The following DNM3 variants were observed in gnomAD, a reference collection of about 807,000 sequenced individuals.
DNM3 encodes the protein dynamin-3.
Under a neutral mutation model 101.6 loss-of-function variants are expected in DNM3, and 47 were observed. The ratio of observed to expected loss-of-function variants is 0.46; its 90% CI spans 0.37 to 0.59. DNM3 has a LOEUF of 0.59. Among genes scored for constraint, DNM3 ranks in the 20% least tolerant of loss-of-function variants. The pLI is 0.00. For missense variants in DNM3, 849 were observed against 1,085.7 expected (o/e 0.78, Z 3.06); for synonymous variants, 385 against 387.9 (o/e 0.99, Z 0.09).
intron 1 of DNM3, among the ~76,000 whole-genome samples, chr1:171,911,992 A>G (rs1042049588): frequency 3.3e-5 from 5 of 152,124 alleles, no homozygotes; most frequent in African/African-American, 1.2e-4. Context: ...CCTAGGCCAA[A>G]TGAGGATTTC....
intron 15 of DNM3, among the ~76,000 whole-genome samples, chr1:172,293,214 A>C (rs2064001554): frequency 6.6e-6 from 1 of 152,244 alleles, no homozygotes; most frequent in South Asian, 2.1e-4. Context: ...TTCACTATTT[A>C]GGCTCAGATG....
chr1:172,301,851 C>A (rs1415360197), intron 15 of DNM3, among the ~76,000 whole-genome samples: 1 of 151,986 alleles, frequency 6.6e-6, no homozygotes, highest in Non-Finnish European at 1.5e-5. Flanking sequence ...AGAAATAGAA[C>A]CTCAACTATC....
intron 4 of DNM3, among the ~76,000 whole-genome samples, chr1:172,028,992 T>TG (rs2048407630): frequency 6.6e-6 from 1 of 152,188 alleles, no homozygotes; most frequent in South Asian, 2.1e-4. Flanking sequence ...AAAGAGGAGC[T>TG]GGTAGCATTC....
At chr1:172,024,562 C>T (rs570792671) in intron 4 of DNM3, among the ~76,000 whole-genome samples, 32 of 152,294 alleles carry the variant, frequency 2.1e-4, no homozygotes, top group East Asian at 3.9e-4. Context: ...GTGAGATCAA[C>T]GCAGAAGGCA....
At chr1:172,045,310 T>A (rs1167362211) in intron 9 of DNM3, among the ~76,000 whole-genome samples, 1 of 152,188 alleles carries the variant, frequency 6.6e-6, no homozygotes, top group South Asian at 2.1e-4. Context: ...CAGAAATTTA[T>A]TTCTCACGGT....
intron 14 of DNM3, 65 bp downstream of exon 14, chr1:172,131,353 T>G (rs1353818677): frequency 7.2e-7 from 1 of 1,382,492 alleles, no homozygotes; most frequent in Non-Finnish European, 1.0e-6. Flanking sequence ...TAACTGATAT[T>G]ATTATACTAT....
In DNM3 at chr1:172,412,650, A is replaced by T. The variant is rs994884598; in HGVS notation, c.*4809A>T. 12 of 985,742 alleles carry T rather than the reference A, an allele frequency of 1.2e-5. No homozygotes were observed. The African/African-American group carries it at 1.9e-4, about 16-fold the overall frequency. The allele number at this position is 985,742 out of a possible 1,614,324, so 61.1% of individuals were successfully genotyped here. On this transcript the variant is annotated 3_prime_UTR_variant, in exon 21 of 21. Coordinates refer to ENST00000627582, the MANE Select transcript of DNM3 (RefSeq NM_015569.5). ...AAAGCCTGTATCGTTCTTGAAGGTC[A>T]CATGTACCTATTGTGAAAATGTGAA...
intron 1 of DNM3, among the ~76,000 whole-genome samples, chr1:171,884,011 G>C (rs1347104728): frequency 6.6e-6 from 1 of 152,186 alleles, no homozygotes; most frequent in African/African-American, 2.4e-5. Flanking sequence ...CTCTTGGTCT[G>C]ACTGCTGGGA....
At chr1:172,415,276 G>A (rs1303700821), downstream of DNM3, 1 of 152,134 alleles carries the variant, frequency 6.6e-6, no homozygotes, top group Non-Finnish European at 1.5e-5. Context: ...GAAGGATTCA[G>A]ATAATTTTAT....
intron 14 of DNM3, among the ~76,000 whole-genome samples, chr1:172,166,626 A>G (rs1374165459): frequency 6.6e-6 from 1 of 152,114 alleles, no homozygotes; most frequent in Non-Finnish European, 1.5e-5. Flanking sequence ...AGCGCAAGCA[A>G]GGTGCCTAGA....
At chr1:172,310,815 G>C (rs2065048446) in intron 16 of DNM3, 1 of 152,198 alleles carries the variant, frequency 6.6e-6, no homozygotes, top group South Asian at 2.1e-4. Flanking sequence ...TATTCTAAGT[G>C]AGATGGAAGC....
intron 15 of DNM3, among the ~76,000 whole-genome samples, chr1:172,268,532 G>A (rs2062960275): frequency 6.6e-6 from 1 of 152,106 alleles, no homozygotes; most frequent in African/African-American, 2.4e-5. Context: ...AGAGGAGGGG[G>A]AAAATATTTT....
chr1:172,355,799 A>G (rs1249813869), intron 17 of DNM3, among the ~76,000 whole-genome samples: 1 of 152,148 alleles, frequency 6.6e-6, no homozygotes, highest in South Asian at 2.1e-4. Context: ...GATCTAATAT[A>G]TGTTTAATCA....
At chr1:172,037,705 G>C (rs988271532) in intron 6 of DNM3, among the ~76,000 whole-genome samples, 1 of 152,164 alleles carries the variant, frequency 6.6e-6, no homozygotes, top group Non-Finnish European at 1.5e-5. Context: ...GAAATGCCAA[G>C]TAGATGGTTA....
chr1:171,854,657 A>T (rs967553886), intron 1 of DNM3, among the ~76,000 whole-genome samples: 1 of 151,864 alleles, frequency 6.6e-6, no homozygotes, highest in Non-Finnish European at 1.5e-5. Context: ...AAATTGAAAG[A>T]CCTCTGCCTC....
chr1:171,910,140 A>G (rs868344908), intron 1 of DNM3, among the ~76,000 whole-genome samples: 16 of 152,210 alleles, frequency 1.1e-4, no homozygotes, highest in African/African-American at 3.6e-4. Context: ...CAAGAAACAG[A>G]TGAAAAGGTT....
At chr1:172,276,743 C>T (rs923849580) in intron 15 of DNM3, among the ~76,000 whole-genome samples, 9 of 151,816 alleles carry the variant, frequency 5.9e-5, no homozygotes, top group African/African-American at 1.9e-4. Context: ...AATGGGGAAC[C>T]TCACTTCCAT....
chr1:171,919,750 T>A (rs934661523), intron 1 of DNM3, among the ~76,000 whole-genome samples: 1 of 152,220 alleles, frequency 6.6e-6, no homozygotes, highest in Admixed American at 6.5e-5. Context: ...TGTATTTAAA[T>A]ATATTCAAAA....
At chr1:172,283,842 T>C (rs1288350681) in intron 15 of DNM3, among the ~76,000 whole-genome samples, 4 of 151,498 alleles carry the variant, frequency 2.6e-5, no homozygotes, top group Non-Finnish European at 4.4e-5. Flanking sequence ...GAGGGTTATA[T>C]TCTAAATTTA....
Sources: gnomAD v4.1 joint callset for allele counts (sites outside exome capture counted in the v4.1 genomes callset) on GRCh38, gnomAD v4.1.1 for gene constraint, MANE v1.5 for transcripts, NCBI Gene and HGNC (gene_info 2026-07-23, HGNC 2026-07-21) for gene names.